Variants in BRMS1L observed in about 807,000 individuals in gnomAD.
The protein encoded by BRMS1L is BRMS1 like transcriptional repressor, also known as breast cancer metastasis-suppressor 1-like protein.
In BRMS1L, 23 loss-of-function variants were observed where a neutral mutation model predicts 50.3. The ratio of observed to expected loss-of-function variants is 0.46; its 90% confidence interval spans 0.33 to 0.65. The LOEUF is 0.65. Ranked by LOEUF, BRMS1L falls within the 30% of genes least tolerant of loss-of-function variation. The pLI is 0.02. For synonymous variants in BRMS1L, 114 were observed against 126.9 expected, an observed-to-expected ratio of 0.90 and a Z score of 0.69; for missense variants, 286 against 386.1, an observed-to-expected ratio of 0.74 and a Z score of 2.17.
chr14:35,837,952 C>T (rs1289272302), intron 4 of BRMS1L, among the ~76,000 whole-genome samples: 2 of 152,102 alleles, frequency 1.3e-5, no homozygotes, highest in Non-Finnish European at 2.9e-5. Context: ...TATACATGTG[C>T]CATGGTGGTT....
chr14:35,849,023 T>G lies in BRMS1L; in HGVS notation c.442-13567T>G, dbSNP rs150633719. Among the ~76,000 whole-genome samples, 23 of 152,264 alleles carry G rather than the reference T, an allele frequency of 1.5e-4. 1 individual carries two copies. The highest frequency in any genetic ancestry group is 4.8e-4 in the African/African-American group (20 of 41,540). On this transcript the variant is annotated intron_variant, in intron 4 of 9. Coordinates refer to ENST00000216807, the MANE Select transcript of BRMS1L (RefSeq NM_032352.4). Reference sequence around the variant, plus strand: ...GAAATTGTATTTTTTTTTCTTTTTCTTTTTCAATTTTTTATAGAGACAGAA... The same window carrying G: ...GAAATTGTATTTTTTTTTCTTTTTCGTTTTCAATTTTTTATAGAGACAGAA...
At position 35,826,686 on chromosome 14, in the gene BRMS1L, G is replaced by A. The variant is rs377430778; in HGVS notation, c.142+28G>A. 23 of 1,605,080 alleles carry A rather than the reference G, an allele frequency of 1.4e-5. 1 individual carries two copies. The highest frequency in any genetic ancestry group is 1.8e-4 in the Middle Eastern group (1 of 5,540). On this transcript the variant is annotated intron_variant, in intron 1 of 9. Transcript: ENST00000216807. ...GCGCGACCCACTGCTGGGACCCTGA[G>A]TCCCCGCGCCCAGCGCGCGACAGGC...
At chr14:35,852,290 T>A (rs1258773910) in intron 4 of BRMS1L, among the ~76,000 whole-genome samples, 1 of 152,216 alleles carries the variant, frequency 6.6e-6, no homozygotes, top group Admixed American at 6.5e-5. Context: ...ACTGTAGCCT[T>A]AAACTCGTGG....
At chr14:35,840,369 T>C (rs2078046997) in intron 4 of BRMS1L, among the ~76,000 whole-genome samples, 1 of 152,238 alleles carries the variant, frequency 6.6e-6, no homozygotes, top group Non-Finnish European at 1.5e-5. Flanking sequence ...GGTATCAGGA[T>C]GATACTGGCC....
chr14:35,859,462 A>T (rs1003594724), intron 4 of BRMS1L, among the ~76,000 whole-genome samples: 1 of 152,160 alleles, frequency 6.6e-6, no homozygotes, highest in Non-Finnish European at 1.5e-5. Context: ...TTGCTTTTGT[A>T]AAGTCTCTTA....
chr14:35,841,998 C>CTTTTTT (rs574267347), intron 4 of BRMS1L, among the ~76,000 whole-genome samples: 43 of 112,204 alleles, frequency 3.8e-4, no homozygotes, highest in African/African-American at 1.5e-3. Context: ...GCAATCTCTG[C>CTTTTTT]TTTTTTTTTT....
intron 4 of BRMS1L, among the ~76,000 whole-genome samples, chr14:35,847,225 A>T (rs1031034984): frequency 6.6e-6 from 1 of 152,096 alleles, no homozygotes; most frequent in Non-Finnish European, 1.5e-5. Flanking sequence ...GCGATCTGCC[A>T]CCTTGGCCTC....
At position 35,870,605 on chromosome 14, in the gene BRMS1L, A is replaced by G; in HGVS notation, c.*128A>G. 1.7e-6 allele frequency: 1 copy of G among 602,110 alleles called. No individual in the cohort carries two copies. Among genetic ancestry groups the G allele is most frequent in the Non-Finnish European group, 3.0e-6 (1 of 332,752 alleles). 37.3% of individuals were successfully genotyped at this position (602,110 alleles called of 1,614,324 possible). On this transcript the variant is annotated 3_prime_UTR_variant, in exon 10 of 10. Coordinates refer to ENST00000216807, the MANE Select transcript of BRMS1L (RefSeq NM_032352.4). The stretch of plus-strand genomic sequence containing the variant: ...CATGAGAGAATGTGTATTTGTAGGT[A>G]GTACTCTAAATAGATCTCATTGATA...
chr14:35,856,707 G>C (rs150138908), intron 4 of BRMS1L, among the ~76,000 whole-genome samples: 10 of 151,964 alleles, frequency 6.6e-5, no homozygotes, highest in Admixed American at 1.3e-4. Context: ...TGCCTCCCAG[G>C]CTTAAGCTAT....
chr14:35,860,479 A>C (rs910765046), intron 4 of BRMS1L, among the ~76,000 whole-genome samples: 12 of 151,752 alleles, frequency 7.9e-5, no homozygotes, highest in African/African-American at 2.9e-4. Context: ...AGATTCCCAG[A>C]TGATTTAAAA....
At chr14:35,826,816 C>A in intron 1 of BRMS1L, 158 bp downstream of exon 1, 2 of 1,048,006 alleles carry the variant, frequency 1.9e-6, no homozygotes, top group Non-Finnish European at 2.6e-6. Context: ...CCTGACCGGT[C>A]GCTGGGCGCT....
At chr14:35,856,962 C>T (rs570847560) in intron 4 of BRMS1L, among the ~76,000 whole-genome samples, 59 of 151,998 alleles carry the variant, frequency 3.9e-4, no homozygotes, top group Non-Finnish European at 7.2e-4. Flanking sequence ...TTGTTGTGGC[C>T]GGGCACGGTG....
chr14:35,835,282 T>C (rs1034655652), intron 4 of BRMS1L, among the ~76,000 whole-genome samples: 3 of 152,240 alleles, frequency 2.0e-5, no homozygotes, highest in African/African-American at 7.2e-5. Flanking sequence ...TGTTGGGCTA[T>C]AGAATTAGTT....
intron 4 of BRMS1L, among the ~76,000 whole-genome samples, chr14:35,843,491 G>T (rs2078092753): frequency 6.6e-6 from 1 of 152,212 alleles, no homozygotes; most frequent in Non-Finnish European, 1.5e-5. Flanking sequence ...AACCCTGTTT[G>T]CCTGGTTATC....
intron 4 of BRMS1L, among the ~76,000 whole-genome samples, chr14:35,836,481 C>T (rs574004042): frequency 6.6e-6 from 1 of 152,210 alleles, no homozygotes; most frequent in Admixed American, 6.5e-5. Context: ...GCTGGGACTA[C>T]AGATGCATGC....
At chr14:35,832,287 G>A (rs1242591810) in intron 2 of BRMS1L, among the ~76,000 whole-genome samples, 1 of 150,786 alleles carries the variant, frequency 6.6e-6, no homozygotes, top group East Asian at 2.0e-4. Flanking sequence ...GGTGGATCAC[G>A]TGGTCAGGAG....
chr14:35,870,341 C>CTTTTTTTTT lies in BRMS1L; in HGVS notation c.855-17_855-9dup, dbSNP rs60163392. 4 of 1,278,064 alleles carry CTTTTTTTTT rather than the reference C, an allele frequency of 3.1e-6. No individual in the cohort carries two copies. The highest frequency in any genetic ancestry group is 4.4e-6 in the Non-Finnish European group (4 of 915,500). 79.2% of individuals were successfully genotyped at this position (1,278,064 alleles called of 1,614,324 possible). On this transcript the variant is annotated intron_variant, in intron 9 of 9. Transcript: ENST00000216807. ...AGACATTGTAATTCATTCATTCATT[C>CTTTTTTTTT]TTTTTTTTTTCTTTTTAGTGCTGTA...
At chr14:35,843,618 C>CTCAT (rs2078094492) in intron 4 of BRMS1L, among the ~76,000 whole-genome samples, 2 of 152,326 alleles carry the variant, frequency 1.3e-5, no homozygotes, top group East Asian at 3.9e-4. Context: ...GGTGTCTGTC[C>CTCAT]ACCCCGGCTG....
rs1196292849 is a variant in BRMS1L at position 35,851,359 on chromosome 14, AGATGTCTAAACAAAAAAGCATGCC to A, written c.442-11230_442-11207del. 9.7e-5 allele frequency among the ~76,000 whole-genome samples: 14 copies of A among 144,892 alleles called. No individual in the cohort carries two copies. In the South Asian group the frequency reaches 4.0e-3, roughly 42 times the overall value. On this transcript the variant is annotated intron_variant, in intron 4 of 9. Coordinates refer to ENST00000216807, the MANE Select transcript of BRMS1L (RefSeq NM_032352.4). ...TATGAATTGACATGAAGTGATTTCC[AGATGTCTAAACAAAAAAGCATGCC>A]AAAAAAAAAAAAAGAGGTGTAGATA...
Sources: gnomAD v4.1 joint callset for allele counts (sites outside exome capture counted in the v4.1 genomes callset) on GRCh38, gnomAD v4.1.1 for gene constraint, MANE v1.5 for transcripts, NCBI Gene and HGNC (gene_info 2026-07-23, HGNC 2026-07-21) for gene names.